Variants in CNTN5 observed in about 807,000 individuals in gnomAD.
The protein encoded by CNTN5 is contactin-5.
Under a neutral mutation model 129.1 loss-of-function variants are expected in CNTN5, and 77 were observed. The ratio of observed to expected loss-of-function variants is 0.60; its 90% CI spans 0.50 to 0.72. The LOEUF (loss-of-function observed/expected upper bound fraction) is 0.72, where lower values mean the gene tolerates loss of function less well. Among genes scored for constraint, CNTN5 ranks in the 30% least tolerant of loss-of-function variants. The pLI, the probability that CNTN5 is intolerant of heterozygous loss-of-function variation, is 0.00. For synonymous variants in CNTN5, 509 were observed against 465.6 expected (o/e 1.09, Z -1.20); for missense variants, 1,478 against 1,328.8 (o/e 1.11, Z -1.75).
chr11:99,782,406 G>A (rs2135392772), intron 3 of CNTN5, among the ~76,000 whole-genome samples: 1 of 149,482 alleles, frequency 6.7e-6, no homozygotes, highest in Non-Finnish European at 1.5e-5. Context: ...TACTGCCCAA[G>A]GTAATTTACA....
intron 3 of CNTN5, among the ~76,000 whole-genome samples, chr11:99,638,375 A>G (rs1332193116): frequency 5.9e-5 from 9 of 152,082 alleles, no homozygotes; most frequent in African/African-American, 9.7e-5. Context: ...GCCAAACCAT[A>G]TCATTCTGCC....
intron 1 of CNTN5, among the ~76,000 whole-genome samples, chr11:99,248,179 T>C (rs1239126775): frequency 3.3e-5 from 5 of 152,170 alleles, no homozygotes; most frequent in African/African-American, 9.7e-5. Flanking sequence ...TGGTATCTCA[T>C]TGTGGTTTTG....
In CNTN5 at chr11:99,844,864, A is replaced by C. The variant is rs201127944; in HGVS notation, c.290A>C (p.Tyr97Ser). ...DAFKQDESVD[Y>S]GPVFVQEPDD... ...TTTGTCTTTACAGAAAGTGTGGACT[A>C]TGGGCCAGTTTTTGTGCAAGAACCA... Residue 97 changes from tyrosine (Y) to serine (S), a missense_variant, in exon 5 of 25, where the codon TAT (tyrosine) becomes TCT (serine). Physicochemically the swap from Tyr to Ser is moderately radical, Grantham distance 144. Coordinates refer to ENST00000524871, the MANE Select transcript of CNTN5 (RefSeq NM_014361.4). 1 of 1,613,238 alleles carries C rather than the reference A, an allele frequency of 6.2e-7. No individual in the cohort carries two copies. The highest frequency in any genetic ancestry group is 1.3e-5 in the African/African-American group (1 of 74,924).
chr11:99,576,452 T>C (rs1310671290), intron 3 of CNTN5, among the ~76,000 whole-genome samples: 3 of 152,172 alleles, frequency 2.0e-5, no homozygotes, highest in Non-Finnish European at 4.4e-5. Flanking sequence ...ATATAACCCT[T>C]TTGGTAGCCT....
intron 7 of CNTN5, among the ~76,000 whole-genome samples, chr11:99,919,113 G>A (rs1347148669): frequency 6.6e-6 from 1 of 152,152 alleles, no homozygotes. Flanking sequence ...CTTGGGAGCA[G>A]CATTCTTCTG....
intron 8 of CNTN5, among the ~76,000 whole-genome samples, chr11:99,973,230 T>A (rs561961699): frequency 1.3e-5 from 2 of 152,282 alleles, no homozygotes; most frequent in South Asian, 4.1e-4. Context: ...ACGTCTGACA[T>A]TTTATCTCAA....
At chr11:99,763,100 T>G (rs1944640635) in intron 3 of CNTN5, among the ~76,000 whole-genome samples, 1 of 151,118 alleles carries the variant, frequency 6.6e-6, no homozygotes, top group Non-Finnish European at 1.5e-5. Context: ...ACACATTTTC[T>G]GATTTCTGTC....
At chr11:99,201,022 C>CTTCCT (rs1859149686) in intron 1 of CNTN5, among the ~76,000 whole-genome samples, 1 of 83,172 alleles carries the variant, frequency 1.2e-5, no homozygotes, top group Non-Finnish European at 2.2e-5. Flanking sequence ...TCCTTCCTTC[C>CTTCCT]TTTTTTTTTT....
At chr11:99,981,117 C>A (rs7932479) in intron 8 of CNTN5, among the ~76,000 whole-genome samples, 4 of 92,046 alleles carry the variant, frequency 4.3e-5, no homozygotes, top group African/African-American at 9.6e-5. Flanking sequence ...CACACACACA[C>A]ATATATGAAA....
intron 2 of CNTN5, among the ~76,000 whole-genome samples, chr11:99,383,152 G>T (rs1035180055): frequency 2.0e-5 from 3 of 151,966 alleles, no homozygotes; most frequent in African/African-American, 7.3e-5. Context: ...ACCACGCCTG[G>T]CCTCTAAATA....
intron 2 of CNTN5, among the ~76,000 whole-genome samples, chr11:99,505,421 C>A (rs1946582692): frequency 6.6e-6 from 1 of 152,122 alleles, no homozygotes; most frequent in Admixed American, 6.5e-5. Flanking sequence ...AGTTAGTATG[C>A]AGGATAATTT....
At chr11:100,007,734 T>C (rs11222326) in intron 9 of CNTN5, among the ~76,000 whole-genome samples, 9,010 of 152,140 alleles carry the variant, frequency 0.059, 304 homozygotes, top group Non-Finnish European at 0.082. Context: ...CCTGTTTTGC[T>C]TTCTTATCAT....
At chr11:99,891,356 G>T (rs72645408) in intron 6 of CNTN5, among the ~76,000 whole-genome samples, 15,916 of 151,636 alleles carry the variant, frequency 0.1, 1,267 homozygotes, top group East Asian at 0.35. Flanking sequence ...TATATTTTAA[G>T]TTCTGGGGCA....
chr11:99,804,696 A>G (rs899478091), intron 3 of CNTN5, among the ~76,000 whole-genome samples: 1 of 151,576 alleles, frequency 6.6e-6, no homozygotes, highest in Non-Finnish European at 1.5e-5. Flanking sequence ...TGGAAGGAAT[A>G]GAATATTTTA....
chr11:99,449,681 TG>T (rs1402740732), intron 2 of CNTN5, among the ~76,000 whole-genome samples: 3 of 152,318 alleles, frequency 2.0e-5, no homozygotes, highest in Non-Finnish European at 2.9e-5. Context: ...AGCTGGGAAC[TG>T]GTTCAACTTG....
At chr11:99,791,574 A>G (rs552702306) in intron 3 of CNTN5, among the ~76,000 whole-genome samples, 1 of 152,194 alleles carries the variant, frequency 6.6e-6, no homozygotes, top group African/African-American at 2.4e-5. Flanking sequence ...TGTCCTCTTT[A>G]CTTAGGATTG....
intron 13 of CNTN5, among the ~76,000 whole-genome samples, chr11:100,154,104 T>A (rs1224090825): frequency 6.6e-6 from 1 of 152,068 alleles, no homozygotes; most frequent in African/African-American, 2.4e-5. Context: ...ATCCCTCCTC[T>A]AGCACCCCAA....
chr11:99,968,044 A>G (rs1480790151), intron 8 of CNTN5, among the ~76,000 whole-genome samples: 1 of 152,212 alleles, frequency 6.6e-6, no homozygotes, highest in Non-Finnish European at 1.5e-5. Context: ...GCAAAGATAT[A>G]GCAAAGCTGT....
At chr11:99,182,741 A>G (rs1453342626) in intron 1 of CNTN5, among the ~76,000 whole-genome samples, 1 of 152,208 alleles carries the variant, frequency 6.6e-6, no homozygotes, top group Non-Finnish European at 1.5e-5. Flanking sequence ...TCGTCAAGCC[A>G]GTATATACCA....
Sources: allele counts gnomAD v4.1 joint callset (sites outside exome capture counted in the v4.1 genomes callset), GRCh38; gene constraint gnomAD v4.1.1; transcripts MANE v1.5; gene names NCBI Gene and HGNC (gene_info 2026-07-23, HGNC 2026-07-21).